The following RBFOX1 variants were observed in gnomAD, a reference collection of about 807,000 sequenced individuals.
RBFOX1 encodes RNA binding fox-1 homolog 1.
Under a neutral mutation model 57.7 loss-of-function variants are expected in RBFOX1, and 8 were observed. The observed-to-expected ratio is 0.14, with a 90% CI of 0.08 to 0.25. The LOEUF (loss-of-function observed/expected upper bound fraction) is 0.25, where lower values mean the gene tolerates loss of function less well. Among genes scored for constraint, RBFOX1 ranks in the 10% least tolerant of loss-of-function variants. The pLI, the probability that RBFOX1 is intolerant of heterozygous loss-of-function variation, is 1.00. For missense variants in RBFOX1, 611 were observed against 548.5 expected, an observed-to-expected ratio of 1.11 and a Z score of -1.14; for synonymous variants, 326 against 222.4, an observed-to-expected ratio of 1.47 and a Z score of -4.15.
intron 3 of RBFOX1, among the ~76,000 whole-genome samples, chr16:5,724,075 A>G (rs1424747483): frequency 6.6e-6 from 1 of 152,140 alleles, no homozygotes; most frequent in East Asian, 1.9e-4. Flanking sequence ...ACTGCTCACC[A>G]CTTGAATGCT....
chr16:5,631,249 C>G (rs1468592403), intron 3 of RBFOX1, among the ~76,000 whole-genome samples: 1 of 152,184 alleles, frequency 6.6e-6, no homozygotes, highest in Non-Finnish European at 1.5e-5. Flanking sequence ...TCTCTCCAAT[C>G]CTCATGCACA....
At chr16:6,670,251 T>C (rs756672215) in intron 3 of RBFOX1, among the ~76,000 whole-genome samples, 8 of 152,100 alleles carry the variant, frequency 5.3e-5, no homozygotes, top group Admixed American at 3.9e-4. Flanking sequence ...TTAATTTTTG[T>C]AGAGACGGGG....
chr16:7,504,609 T>A (rs2151901252), intron 4 of RBFOX1, among the ~76,000 whole-genome samples: 1 of 148,042 alleles, frequency 6.8e-6, no homozygotes, highest in Non-Finnish European at 1.5e-5. Flanking sequence ...GAGGTCTGGA[T>A]TTGCACTTAT....
At chr16:5,597,762 G>T (rs968976943) in intron 2 of RBFOX1, among the ~76,000 whole-genome samples, 1 of 152,074 alleles carries the variant, frequency 6.6e-6, no homozygotes, top group African/African-American at 2.4e-5. Flanking sequence ...ACATGCTCCT[G>T]CGCTGTACCT....
At chr16:7,382,727 C>G (rs1039578934) in intron 4 of RBFOX1, among the ~76,000 whole-genome samples, 4 of 152,224 alleles carry the variant, frequency 2.6e-5, no homozygotes, top group Non-Finnish European at 5.9e-5. Context: ...ACACATCCCG[C>G]TATTTGTATG....
chr16:7,356,013 G>A (rs73565854), intron 4 of RBFOX1, among the ~76,000 whole-genome samples: 5,038 of 152,252 alleles, frequency 0.033, 183 homozygotes, highest in African/African-American at 0.089. Context: ...TGCTTTATTG[G>A]TTTGAAAAAT....
intron 1 of RBFOX1, among the ~76,000 whole-genome samples, chr16:5,362,222 C>T (rs576359236): frequency 6.6e-5 from 10 of 152,012 alleles, no homozygotes; most frequent in African/African-American, 2.2e-4. Flanking sequence ...GATGGAGTCT[C>T]GCTCTGTCCC....
chr16:6,658,232 G>T (rs1378153097), intron 3 of RBFOX1, among the ~76,000 whole-genome samples: 1 of 151,400 alleles, frequency 6.6e-6, no homozygotes, highest in Non-Finnish European at 1.5e-5. Flanking sequence ...AACAGTGGAA[G>T]AGAGCCTTCA....
intron 4 of RBFOX1, among the ~76,000 whole-genome samples, chr16:7,426,832 A>G (rs2098620903): frequency 6.6e-6 from 1 of 152,214 alleles, no homozygotes; most frequent in Admixed American, 6.5e-5. Context: ...TCTGGGGGAC[A>G]GGTCCTTGGT....
At chr16:6,375,780 C>A (rs1320738734) in intron 2 of RBFOX1, among the ~76,000 whole-genome samples, 5 of 152,104 alleles carry the variant, frequency 3.3e-5, no homozygotes, top group African/African-American at 1.2e-4. Context: ...AGAACCTCAG[C>A]ACAAAGGGTA....
At chr16:5,397,372 C>T (rs765267978) in intron 1 of RBFOX1, among the ~76,000 whole-genome samples, 2 of 152,194 alleles carry the variant, frequency 1.3e-5, no homozygotes, top group East Asian at 3.9e-4. Flanking sequence ...TCAGCATTTA[C>T]TAGAACAGGA....
At chr16:5,996,146 C>G (rs1364563509) in intron 4 of RBFOX1, among the ~76,000 whole-genome samples, 1 of 152,118 alleles carries the variant, frequency 6.6e-6, no homozygotes, top group Non-Finnish European at 1.5e-5. Context: ...TGGGATTTCA[C>G]CATATTAATT....
intron 4 of RBFOX1, among the ~76,000 whole-genome samples, chr16:5,964,709 T>C (rs1481581957): frequency 6.6e-6 from 1 of 152,028 alleles, no homozygotes; most frequent in Admixed American, 6.6e-5. Flanking sequence ...ACATATAACA[T>C]ATACACTTAT....
At chr16:6,679,555 C>T (rs1318302067) in intron 3 of RBFOX1, among the ~76,000 whole-genome samples, 1 of 152,104 alleles carries the variant, frequency 6.6e-6, no homozygotes, top group Non-Finnish European at 1.5e-5. Flanking sequence ...CAGTCATACC[C>T]CTCTCTTCTA....
At chr16:7,091,264 TTTA>T (rs2060805143) in intron 4 of RBFOX1, among the ~76,000 whole-genome samples, 1 of 141,724 alleles carries the variant, frequency 7.1e-6, no homozygotes, top group Non-Finnish European at 1.5e-5. Context: ...TAATTTTAAC[TTTA>T]CTTTTTTTTT....
At chr16:6,995,605 C>T (rs1246671233) in intron 3 of RBFOX1, among the ~76,000 whole-genome samples, 3 of 151,896 alleles carry the variant, frequency 2.0e-5, no homozygotes, top group African/African-American at 7.3e-5. Flanking sequence ...ACTAAACATA[C>T]AAAAATTAGC....
chr16:5,959,464 C>T (rs575495140), intron 4 of RBFOX1, among the ~76,000 whole-genome samples: 1 of 152,254 alleles, frequency 6.6e-6, no homozygotes, highest in African/African-American at 2.4e-5. Flanking sequence ...CAGGAACATA[C>T]AATGACAGGG....
At chr16:7,104,403 C>G (rs894374187) in intron 4 of RBFOX1, among the ~76,000 whole-genome samples, 2 of 151,984 alleles carry the variant, frequency 1.3e-5, no homozygotes, top group African/African-American at 4.8e-5. Context: ...ACAGTATGCC[C>G]CTCTGATTAA....
intron 1 of RBFOX1, among the ~76,000 whole-genome samples, chr16:5,431,624 C>T (rs1309779776): frequency 2.6e-5 from 4 of 152,146 alleles, no homozygotes; most frequent in Non-Finnish European, 4.4e-5. Flanking sequence ...CCGCCCGCCT[C>T]AGCCTCCCAA....
Sources: gnomAD v4.1 joint callset for allele counts (sites outside exome capture counted in the v4.1 genomes callset) on GRCh38, gnomAD v4.1.1 for gene constraint, MANE v1.5 for transcripts, NCBI Gene and HGNC (gene_info 2026-07-23, HGNC 2026-07-21) for gene names.